UBE2E3: variants seen among roughly 807,000 people sequenced by gnomAD.
UBE2E3 encodes the protein ubiquitin conjugating enzyme E2 E3, also known as ubiquitin-conjugating enzyme E2 E3.
A neutral mutation model predicts 23.6 loss-of-function variants in UBE2E3; 5 were observed. The observed-to-expected ratio is 0.21, with a 90% CI of 0.11 to 0.44. The LOEUF is 0.44. Ranked by LOEUF, UBE2E3 falls within the 20% of genes least tolerant of loss-of-function variation. UBE2E3 has a pLI of 0.99. For missense variants in UBE2E3, 81 were observed against 249.8 expected (o/e 0.32, Z 4.55); for synonymous variants, 78 against 87.5 (o/e 0.89, Z 0.60).
chr2:181,027,319 T>C (rs750087455), intron 3 of UBE2E3, among the ~76,000 whole-genome samples: 1 of 151,942 alleles, frequency 6.6e-6, no homozygotes, highest in South Asian at 2.1e-4. Context: ...ATCCTGCTTT[T>C]TGCTTTTCTG....
At chr2:181,043,458 T>C (rs1220285664) in intron 3 of UBE2E3, among the ~76,000 whole-genome samples, 2 of 152,180 alleles carry the variant, frequency 1.3e-5, no homozygotes, top group Non-Finnish European at 1.5e-5. Flanking sequence ...GTGTATAAGA[T>C]GTACATGAAA....
intron 3 of UBE2E3, among the ~76,000 whole-genome samples, chr2:180,985,297 G>C (rs1684423835): frequency 6.6e-6 from 1 of 152,108 alleles, no homozygotes; most frequent in Non-Finnish European, 1.5e-5. Flanking sequence ...GTAGCCACTT[G>C]CCACATGTGG....
chr2:180,985,126 C>G (rs931983658), intron 3 of UBE2E3, among the ~76,000 whole-genome samples: 3 of 152,068 alleles, frequency 2.0e-5, no homozygotes, highest in African/African-American at 7.2e-5. Flanking sequence ...TAACTGGATC[C>G]TCAGATAAGG....
intron 3 of UBE2E3, among the ~76,000 whole-genome samples, chr2:181,014,123 C>A (rs147831811): frequency 1.9e-4 from 29 of 152,234 alleles, no homozygotes; most frequent in Admixed American, 4.6e-4. Context: ...GCCCATGTTT[C>A]TGACGTAAGT....
At chr2:181,006,985 A>G (rs535762971) in intron 3 of UBE2E3, among the ~76,000 whole-genome samples, 80 of 152,338 alleles carry the variant, frequency 5.3e-4, no homozygotes, top group African/African-American at 1.9e-3. Context: ...TGCATTGGAA[A>G]TGTTAGGAAA....
At chr2:180,987,406 C>T (rs551003549) in intron 3 of UBE2E3, 1 of 1,549,568 alleles carries the variant, frequency 6.5e-7, no homozygotes, top group African/African-American at 1.4e-5. Flanking sequence ...TACTGGATTT[C>T]TAACTTAACC....
chr2:181,044,468 A>G (rs1254068941), intron 3 of UBE2E3, among the ~76,000 whole-genome samples: 1 of 152,168 alleles, frequency 6.6e-6, no homozygotes, highest in African/African-American at 2.4e-5. Context: ...GAAAAAAAGA[A>G]TCTTTAGTGG....
At chr2:181,057,592 G>T in intron 3 of UBE2E3, 101 bp from the exon 4 acceptor site, 6 of 937,980 alleles carry the variant, frequency 6.4e-6, no homozygotes, top group South Asian at 2.0e-5. Context: ...ACTTCTTATT[G>T]CTCTAGATTG....
intron 3 of UBE2E3, among the ~76,000 whole-genome samples, chr2:181,021,195 T>G (rs182579223): frequency 1.7e-4 from 26 of 152,272 alleles, no homozygotes; most frequent in African/African-American, 6.0e-4. Context: ...TAGTCAGGAT[T>G]GTGATGTTTT....
chr2:181,031,819 T>A (rs1007104456), intron 3 of UBE2E3, among the ~76,000 whole-genome samples: 9 of 152,216 alleles, frequency 5.9e-5, no homozygotes, highest in Non-Finnish European at 1.5e-5. Context: ...GTTAATAATC[T>A]TAACTCATTC....
chr2:181,017,382 T>C (rs1046868039), intron 3 of UBE2E3, among the ~76,000 whole-genome samples: 8 of 151,928 alleles, frequency 5.3e-5, no homozygotes, highest in Admixed American at 1.3e-4. Context: ...GCGTCTGAGG[T>C]TGGGATGGTA....
chr2:180,996,484 A>G (rs1435849761), intron 3 of UBE2E3, among the ~76,000 whole-genome samples: 1 of 152,210 alleles, frequency 6.6e-6, no homozygotes, highest in Non-Finnish European at 1.5e-5. Context: ...TGTTGTTAAT[A>G]TACAAGAAGC....
intron 3 of UBE2E3, among the ~76,000 whole-genome samples, chr2:181,031,019 T>C (rs910714570): frequency 6.6e-6 from 1 of 152,204 alleles, no homozygotes; most frequent in African/African-American, 2.4e-5. Flanking sequence ...GCTGTTCTTT[T>C]TGTAATTTTT....
intron 3 of UBE2E3, among the ~76,000 whole-genome samples, chr2:181,056,669 A>G (rs1049278661): frequency 6.6e-6 from 1 of 151,808 alleles, no homozygotes; most frequent in African/African-American, 2.4e-5. Context: ...TCAGATTTCA[A>G]CTTGAGTTTT....
At chr2:181,003,667 C>T (rs950402582) in intron 3 of UBE2E3, among the ~76,000 whole-genome samples, 6 of 152,144 alleles carry the variant, frequency 3.9e-5, no homozygotes, top group Admixed American at 3.3e-4. Flanking sequence ...TTTGTTTGCA[C>T]ATAGTACACT....
intron 5 of UBE2E3, 58 bp downstream of exon 5, chr2:181,060,870 T>TGC: frequency 2.4e-6 from 2 of 831,980 alleles, no homozygotes; most frequent in Non-Finnish European, 3.3e-6. Context: ...GCTTTTTTTT[T>TGC]TTTTTTTTTT....
chr2:180,985,404 G>C (rs1005405490), intron 3 of UBE2E3, among the ~76,000 whole-genome samples: 2 of 151,980 alleles, frequency 1.3e-5, no homozygotes, highest in African/African-American at 4.8e-5. Flanking sequence ...ACAACAAAAG[G>C]ATGTATAATA....
At chr2:180,990,515 C>T (rs1003766087) in intron 3 of UBE2E3, among the ~76,000 whole-genome samples, 5 of 152,138 alleles carry the variant, frequency 3.3e-5, no homozygotes, top group Admixed American at 6.5e-5. Flanking sequence ...TACTTCTATG[C>T]GTAGTTTACA....
At chr2:180,984,530 C>T (rs1684395475) in intron 3 of UBE2E3, among the ~76,000 whole-genome samples, 1 of 152,138 alleles carries the variant, frequency 6.6e-6, no homozygotes, top group Non-Finnish European at 1.5e-5. Context: ...ATAGTTGGTT[C>T]TGTTTGATTT....
Sources: gnomAD v4.1 joint callset for allele counts (sites outside exome capture counted in the v4.1 genomes callset) on GRCh38, gnomAD v4.1.1 for gene constraint, MANE v1.5 for transcripts, NCBI Gene and HGNC (gene_info 2026-07-23, HGNC 2026-07-21) for gene names.